Variants in RGS16 observed in about 807,000 individuals in gnomAD.
RGS16 encodes the protein regulator of G protein signaling 16.
In RGS16, 12 loss-of-function variants were observed where a neutral mutation model predicts 18.1. The ratio of observed to expected loss-of-function variants is 0.66; its 90% CI spans 0.42 to 1.07. RGS16 has a LOEUF of 1.07. RGS16 is among the 50% of genes least tolerant of loss of function. The pLI, the probability that RGS16 is intolerant of heterozygous loss-of-function variation, is 0.00. For missense variants in RGS16, 238 were observed against 249.2 expected, an observed-to-expected ratio of 0.95 and a Z score of 0.30; for synonymous variants, 88 against 102.0, an observed-to-expected ratio of 0.86 and a Z score of 0.83.
At chr1:182,603,511 C>T (rs1368280702) in intron 1 of RGS16, among the ~76,000 whole-genome samples, 172 bp from the exon 2 acceptor site, 1 of 152,124 alleles carries the variant, frequency 6.6e-6, no homozygotes, top group Non-Finnish European at 1.5e-5. Flanking sequence ...TCAGCATCAT[C>T]AACCCCAAAG....
chr1:182,600,266 G>A lies in RGS16; in HGVS notation c.*26C>T. The A allele has an allele frequency of 6.2e-7, 1 of 1,602,008 alleles. No individual in the cohort carries two copies. Among genetic ancestry groups the A allele is most frequent in the Non-Finnish European group, 8.5e-7 (1 of 1,173,874 alleles). On this transcript the variant is annotated 3_prime_UTR_variant, in exon 5 of 5. Coordinates refer to ENST00000367558, the MANE Select transcript of RGS16 (RefSeq NM_002928.4). The stretch of plus-strand genomic sequence containing the variant: ...ATGGGTGACTCAACCTCTCTTCCCG[G>A]CTGGCTTCCTCACTGCCGTGGAGAC...
Position 182,600,319 on chromosome 1 carries a change from G to A in RGS16, c.582C>T (p.Cys194=). The stretch of plus-strand genomic sequence containing the variant: ...AGGTGTGTGAGGGCTCGTCCAGGCT[G>A]CAGCTGGACAGAGTGGCAGAGGCGG... ...ASAASATLSS[C]SLDEPSHT The change falls in exon 5 of 5, where the codon TGC becomes TGT. Residue 194 remains cysteine (C), a synonymous_variant. Transcript: ENST00000367558. 6.2e-7 allele frequency: 1 copy of A among 1,614,020 alleles called. No homozygotes were observed. The highest frequency in any genetic ancestry group is 8.5e-7 in the Non-Finnish European group (1 of 1,180,002).
chr1:182,604,118 C>T (rs918855353), intron 1 of RGS16, 98 bp downstream of exon 1: 16 of 1,255,196 alleles, frequency 1.3e-5, no homozygotes, highest in Admixed American at 2.0e-5. Flanking sequence ...AAGCCTCTAG[C>T]GCCCCATCCC....
rs780430759 is a variant in RGS16, at chr1:182,599,059, C to T, written c.*1233G>A. ...TTCACTTCCCCAGCCTGGGCTCTGC[C>T]GCAGGAGTTGCCATCAGGAAATGTT... On this transcript the variant is annotated 3_prime_UTR_variant, in exon 5 of 5. Transcript: ENST00000367558. 67 of 153,366 alleles carry T rather than the reference C, an allele frequency of 4.4e-4. No homozygotes were observed. The highest frequency in any genetic ancestry group is 9.0e-4 in the Non-Finnish European group (62 of 68,806). The allele number at this position is 153,366 out of a possible 1,614,324, so 9.5% of individuals were successfully genotyped here.
chr1:182,604,363 T>G lies in RGS16; in HGVS notation c.-104A>C, dbSNP rs1661919429. ...GGCGCGGTAGCAGGTGCTAGTCAACTGCGGTTGGGTTTAGCAGCCTGCAAG... is the reference window on the plus strand; with the variant it reads ...GGCGCGGTAGCAGGTGCTAGTCAACGGCGGTTGGGTTTAGCAGCCTGCAAG... On this transcript the variant is annotated 5_prime_UTR_variant, in exon 1 of 5. Coordinates refer to ENST00000367558, the MANE Select transcript of RGS16 (RefSeq NM_002928.4). 7 of 1,217,358 alleles carry G rather than the reference T, an allele frequency of 5.8e-6. No individual in the cohort carries two copies. The highest frequency in any genetic ancestry group is 2.7e-5 in the East Asian group (1 of 36,702). The allele number at this position is 1,217,358 out of a possible 1,614,324, so 75.4% of individuals were successfully genotyped here. A position where few individuals can be genotyped will look rare whatever the true frequency, so the allele number is the denominator to read the frequency against.
Position 182,600,182 on chromosome 1 carries a change from TGTCCTCTTGCACTTG to T in RGS16, c.*95_*109del. On this transcript the variant is annotated 3_prime_UTR_variant, in exon 5 of 5. Coordinates refer to ENST00000367558, the MANE Select transcript of RGS16 (RefSeq NM_002928.4). The stretch of plus-strand genomic sequence containing the variant: ...TTTTTTTTTTTTTTTTTTTTTTTTT[TGTCCTCTTGCACTTG>T]CTTTGCAGAACCTGCCTCCCACACA... The T allele has an allele frequency of 1.2e-4, 39 of 328,184 alleles. No individual in the cohort carries two copies. Among genetic ancestry groups the T allele is most frequent in the South Asian group, 5.3e-4 (9 of 16,992 alleles). The allele number at this position is 328,184 out of a possible 1,614,324, so 20.3% of individuals were successfully genotyped here.
Position 182,599,882 on chromosome 1 carries a change from G to A in RGS16, c.*410C>T, listed in dbSNP as rs1661829911. ...TGCAATCAGAGTCAACTGAGCAACA[G>A]GCAAAACAGCTGATCTGGATGTCTT... On this transcript the variant is annotated 3_prime_UTR_variant, in exon 5 of 5. Coordinates refer to ENST00000367558, the MANE Select transcript of RGS16 (RefSeq NM_002928.4). 4.9e-6 allele frequency: 1 copy of A among 205,096 alleles called. No homozygotes were observed. 12.7% of individuals were successfully genotyped at this position (205,096 alleles called of 1,614,324 possible).
chr1:182,603,179 C>G, intron 2 of RGS16, 50 bp downstream of exon 2: 1 of 1,363,934 alleles, frequency 7.3e-7, no homozygotes, highest in Non-Finnish European at 1.1e-6. Context: ...TCATGACTCC[C>G]TTCCCACTCC....
rs1468776408 is a variant in RGS16, at chr1:182,603,312, C to T, written c.72G>A (p.Gly24=). Residue 24 remains glycine (G), a synonymous_variant, in exon 2 of 5, where the codon GGG becomes GGA. Transcript: ENST00000367558. The part of the protein sequence containing the change: ...ERAKEFKTRL[G]IFLHKSELGC... ...CCAGCTCTGATTTGTGAAGAAAGAT[C>T]CCCAGACGTGTCTTGAACTCTTTGG... 1.9e-6 allele frequency: 3 copies of T among 1,614,066 alleles called. No homozygotes were observed. Among genetic ancestry groups the T allele is most frequent in the Middle Eastern group, 1.6e-4 (1 of 6,062 alleles).
intron 1 of RGS16, among the ~76,000 whole-genome samples, chr1:182,603,747 C>T (rs1312726821): frequency 2.0e-5 from 3 of 151,946 alleles, no homozygotes; most frequent in Non-Finnish European, 2.9e-5. Context: ...GGATTGGAAG[C>T]TGTTGAGTAG....
chr1:182,603,293 C>G lies in RGS16; in HGVS notation c.91G>C (p.Glu31Gln). Reference protein sequence around the residue: ...TRLGIFLHKSELGCDTGSTGK... With the variant: ...TRLGIFLHKSQLGCDTGSTGK... Reference sequence around the variant, plus strand: ...GTACTCCCAGTATCGCAGCCCAGCTCTGATTTGTGAAGAAAGATCCCCAGA... The same window carrying G: ...GTACTCCCAGTATCGCAGCCCAGCTGTGATTTGTGAAGAAAGATCCCCAGA... Residue 31 changes from glutamate to glutamine, a missense_variant, in exon 2 of 5, where the codon GAG (glutamate) becomes CAG (glutamine). Transcript: ENST00000367558. 6.2e-7 allele frequency: 1 copy of G among 1,614,216 alleles called. No individual in the cohort carries two copies. The highest frequency in any genetic ancestry group is 1.3e-5 in the African/African-American group (1 of 75,056).
intron 4 of RGS16, among the ~76,000 whole-genome samples, chr1:182,601,089 G>C (rs1399246821): frequency 6.6e-6 from 1 of 152,218 alleles, no homozygotes; most frequent in African/African-American, 2.4e-5. Flanking sequence ...ACTGTGACAG[G>C]CAGGCTCTGG....
chr1:182,603,442 T>G (rs1191697967), intron 1 of RGS16, 103 bp from the exon 2 acceptor site: 3 of 871,522 alleles, frequency 3.4e-6, no homozygotes, highest in Non-Finnish European at 5.6e-6. Context: ...CACCCAAACT[T>G]TAGCCTCAAG....
At position 182,600,448 on chromosome 1, in the gene RGS16, G is replaced by T; in HGVS notation, c.453C>A (p.Cys151Ter). ...GTGTCTTCCCCTGAGCCGCATCAAAGCATGTGGCTGTGGCAGTCTGCAGGT... is the reference window on the plus strand; with the variant it reads ...GTGTCTTCCCCTGAGCCGCATCAAATCATGTGGCTGTGGCAGTCTGCAGGT... ...RMNLQTATAT[C>*]FDAAQGKTRT... The change falls in exon 5 of 5, where the codon TGC (cysteine) becomes TGA (stop). Residue 151 changes from cysteine to a stop codon, truncating the protein, a stop_gained. Transcript: ENST00000367558. LOFTEE classifies it low-confidence loss of function (END_TRUNC). The T allele has an allele frequency of 6.2e-7, 1 of 1,614,094 alleles. No individual in the cohort carries two copies. The highest frequency in any genetic ancestry group is 8.5e-7 in the Non-Finnish European group (1 of 1,180,004).
rs1485559874 is a variant in RGS16, at chr1:182,600,458, G to A, written c.443C>T (p.Thr148Ile). ...CTGAGCCGCATCAAAGCATGTGGCT[G>A]TGGCAGTCTGCAGGTTCATCCTCGT... ...ELTRMNLQTA[T>I]ATCFDAAQGK... Residue 148 changes from threonine (T) to isoleucine (I), a missense_variant, in exon 5 of 5, where the codon ACA becomes ATA. Transcript: ENST00000367558. 7 of 1,614,128 alleles carry A rather than the reference G, an allele frequency of 4.3e-6. No homozygotes were observed. The highest frequency in any genetic ancestry group is 5.9e-6 in the Non-Finnish European group (7 of 1,180,016).
Position 182,602,176 on chromosome 1 carries a change from C to T in RGS16, c.221-44G>A, listed in dbSNP as rs754630460. Reference sequence around the variant, plus strand: ...AGAGGAAATAGGTCAGCTGGAGGGACAGCAGGGAATACAAGAAGAAAGGAA... The same window carrying T: ...AGAGGAAATAGGTCAGCTGGAGGGATAGCAGGGAATACAAGAAGAAAGGAA... On this transcript the variant is annotated intron_variant, in intron 3 of 4. Coordinates refer to ENST00000367558, the MANE Select transcript of RGS16 (RefSeq NM_002928.4). 4.4e-6 allele frequency: 7 copies of T among 1,597,342 alleles called. No homozygotes were observed. The Admixed American group carries it at 1.0e-4, about 23-fold the overall frequency.
chr1:182,603,423 G>A (rs1208007207), intron 1 of RGS16, 84 bp from the exon 2 acceptor site: 4 of 1,130,542 alleles, frequency 3.5e-6, no homozygotes, highest in Non-Finnish European at 5.3e-6. Context: ...GAAGAGCTCT[G>A]GGTGGTGCCA....
chr1:182,600,208 C>A lies in RGS16; in HGVS notation c.*84G>T. The A allele has an allele frequency of 1.4e-6, 1 of 727,570 alleles. No homozygotes were observed. 45.1% of individuals were successfully genotyped at this position (727,570 alleles called of 1,614,324 possible). A position where few individuals can be genotyped will look rare whatever the true frequency, so the allele number is the denominator to read the frequency against. On this transcript the variant is annotated 3_prime_UTR_variant, in exon 5 of 5. Coordinates refer to ENST00000367558, the MANE Select transcript of RGS16 (RefSeq NM_002928.4). ...GTCCTCTTGCACTTGCTTTGCAGAA[C>A]CTGCCTCCCACACAGGGGCAGCCAC...
intron 4 of RGS16, among the ~76,000 whole-genome samples, chr1:182,601,673 T>C (rs1273110635): frequency 1.3e-5 from 2 of 152,192 alleles, no homozygotes; most frequent in Non-Finnish European, 2.9e-5. Context: ...GTCTCCCCAG[T>C]TGCTAAGTGT....
Sources: allele counts gnomAD v4.1 joint callset (sites outside exome capture counted in the v4.1 genomes callset), GRCh38; gene constraint gnomAD v4.1.1; transcripts MANE v1.5; gene names NCBI Gene and HGNC (gene_info 2026-07-23, HGNC 2026-07-21).